CSRP2: variants seen among roughly 807,000 people sequenced by gnomAD.
CSRP2 encodes the protein cysteine and glycine rich protein 2.
In CSRP2, 18 loss-of-function variants were observed where a neutral mutation model predicts 24.6. The ratio of observed to expected loss-of-function variants is 0.73; its 90% CI spans 0.51 to 1.09. The LOEUF (loss-of-function observed/expected upper bound fraction) is 1.09. CSRP2 is among the 50% of genes least tolerant of loss of function. CSRP2 has a pLI of 0.00. For missense variants in CSRP2, 215 were observed against 239.4 expected, an observed-to-expected ratio of 0.90 and a Z score of 0.67; for synonymous variants, 87 against 84.3, an observed-to-expected ratio of 1.03 and a Z score of -0.18.
chr12:76,863,059 C>A, intron 3 of CSRP2, 117 bp downstream of exon 3: 2 of 1,459,306 alleles, frequency 1.4e-6, no homozygotes, highest in South Asian at 1.4e-5. Context: ...AAATCAGAGT[C>A]CCATTTTATT....
Position 76,859,611 on chromosome 12 carries a change from T to C in CSRP2, c.441A>G (p.Ala147=). 6.2e-7 allele frequency: 1 copy of C among 1,612,634 alleles called. No homozygotes were observed. Among genetic ancestry groups the C allele is most frequent in the Non-Finnish European group, 8.5e-7 (1 of 1,179,786 alleles). Reference sequence around the variant, plus strand: ...TTGATTCAAGACTCTTCCCACACTTTGCACATCGGAAACAGTTTTTGTGCC... The same window carrying C: ...TTGATTCAAGACTCTTCCCACACTTCGCACATCGGAAACAGTTTTTGTGCC... ...KPWHKNCFRC[A]KCGKSLESTT... The change falls in exon 5 of 6, where the codon GCA becomes GCG. Residue 147 remains alanine, a synonymous_variant. Coordinates refer to ENST00000311083, the MANE Select transcript of CSRP2 (RefSeq NM_001321.3).
At chr12:76,866,113 A>T in intron 2 of CSRP2, 36 bp downstream of exon 2, 1 of 1,521,368 alleles carries the variant, frequency 6.6e-7, no homozygotes, top group Non-Finnish European at 9.1e-7. Flanking sequence ...TGTACATACA[A>T]ATTCCGTCAA....
chr12:76,873,208 T>C (rs1019386984), intron 1 of CSRP2, among the ~76,000 whole-genome samples: 1 of 152,218 alleles, frequency 6.6e-6, no homozygotes, highest in Non-Finnish European at 1.5e-5. Context: ...ATAATCCAAT[T>C]TCCCCTAAAG....
intron 1 of CSRP2, among the ~76,000 whole-genome samples, chr12:76,872,552 T>C (rs1316367069): frequency 6.6e-6 from 1 of 152,190 alleles, no homozygotes; most frequent in Non-Finnish European, 1.5e-5. Context: ...CCTCCACATA[T>C]CCCCACGTGT....
intron 1 of CSRP2, among the ~76,000 whole-genome samples, chr12:76,868,900 G>A (rs1200249832): frequency 1.3e-5 from 2 of 148,494 alleles, no homozygotes; most frequent in African/African-American, 2.5e-5. Flanking sequence ...GCCACTGCAC[G>A]CCAGCCTGGG....
At chr12:76,860,080 T>C (rs1953660143) in intron 4 of CSRP2, among the ~76,000 whole-genome samples, 1 of 152,202 alleles carries the variant, frequency 6.6e-6, no homozygotes, top group Non-Finnish European at 1.5e-5. Flanking sequence ...TGAAAACAAG[T>C]TCTTTTAAAC....
At chr12:76,868,253 A>T (rs1953754524) in intron 1 of CSRP2, among the ~76,000 whole-genome samples, 1 of 152,168 alleles carries the variant, frequency 6.6e-6, no homozygotes, top group Non-Finnish European at 1.5e-5. Context: ...GGAAATTAAA[A>T]ATAACAGTCC....
chr12:76,872,059 A>G (rs1266953237), intron 1 of CSRP2, among the ~76,000 whole-genome samples: 2 of 152,252 alleles, frequency 1.3e-5, no homozygotes, highest in African/African-American at 4.8e-5. Flanking sequence ...TGGTAAAAGC[A>G]AAAATAAAAT....
intron 3 of CSRP2, 194 bp downstream of exon 3, chr12:76,862,982 C>T (rs1953699107): frequency 6.9e-7 from 1 of 1,456,058 alleles, no homozygotes. Context: ...AAGTAGAAAT[C>T]ACTGGAATTA....
At chr12:76,861,210 A>G (rs1953673450) in intron 3 of CSRP2, 1 of 151,992 alleles carries the variant, frequency 6.6e-6, no homozygotes, top group Admixed American at 6.5e-5. Flanking sequence ...CTGAGCAGAT[A>G]AAATGATAGC....
At chr12:76,877,954 C>A (rs1293843419) in intron 1 of CSRP2, among the ~76,000 whole-genome samples, 1 of 136,640 alleles carries the variant, frequency 7.3e-6, no homozygotes, top group South Asian at 2.3e-4. Flanking sequence ...TTACTAACTG[C>A]CCCCGCCCCA....
chr12:76,875,409 T>C (rs1953843495), intron 1 of CSRP2, among the ~76,000 whole-genome samples: 1 of 152,218 alleles, frequency 6.6e-6, no homozygotes, highest in Non-Finnish European at 1.5e-5. Flanking sequence ...TCGACACAGA[T>C]TTGAATCACT....
At chr12:76,859,980 C>T (rs1953659277) in intron 4 of CSRP2, among the ~76,000 whole-genome samples, 1 of 152,246 alleles carries the variant, frequency 6.6e-6, no homozygotes, top group Non-Finnish European at 1.5e-5. Flanking sequence ...TGTCCTGACT[C>T]GGATTCCTGC....
At chr12:76,861,209 T>C (rs191148579) in intron 3 of CSRP2, 1 of 151,858 alleles carries the variant, frequency 6.6e-6, no homozygotes, top group Non-Finnish European at 1.5e-5. Context: ...GCTGAGCAGA[T>C]AAAATGATAG....
At chr12:76,862,915 A>T in intron 3 of CSRP2, 1 of 1,521,342 alleles carries the variant, frequency 6.6e-7, no homozygotes, top group Non-Finnish European at 8.7e-7. Context: ...GTAAATACAA[A>T]TCACTTGCTT....
Position 76,865,905 on chromosome 12 carries a change from C to T in CSRP2, c.112+244G>A, listed in dbSNP as rs188445814. 5.9e-6 allele frequency: 3 copies of T among 510,310 alleles called. No homozygotes were observed. The East Asian group carries it at 1.1e-4, about 18-fold the overall frequency. The allele number at this position is 510,310 out of a possible 1,614,324, so 31.6% of individuals were successfully genotyped here. On this transcript the variant is annotated intron_variant, in intron 2 of 5. Transcript: ENST00000311083. The stretch of plus-strand genomic sequence containing the variant: ...GAGGTGGGGGAGGCAGATGTGTTAA[C>T]AAAATAAAGGCCAAAATGGAGGCCA...
At chr12:76,863,788 C>G (rs1953708005) in intron 2 of CSRP2, 1 of 154,476 alleles carries the variant, frequency 6.5e-6, no homozygotes, top group African/African-American at 2.4e-5. Flanking sequence ...TTAATCTTTT[C>G]AGCCTTCTCT....
At chr12:76,863,981 C>T (rs1391921941) in intron 2 of CSRP2, 1 of 152,206 alleles carries the variant, frequency 6.6e-6, no homozygotes, top group African/African-American at 2.4e-5. Flanking sequence ...TTCCTCTCCC[C>T]AGCAGCTTCT....
chr12:76,870,949 G>C (rs1014695691), intron 1 of CSRP2, among the ~76,000 whole-genome samples: 1 of 121,612 alleles, frequency 8.2e-6, no homozygotes, highest in African/African-American at 3.2e-5. Flanking sequence ...CTCCAGCCTG[G>C]GCAACAGAGC....
Sources: allele counts gnomAD v4.1 joint callset (sites outside exome capture counted in the v4.1 genomes callset), GRCh38; gene constraint gnomAD v4.1.1; transcripts MANE v1.5; gene names NCBI Gene and HGNC (gene_info 2026-07-23, HGNC 2026-07-21).